CACNA2D4: variants seen among roughly 807,000 people sequenced by gnomAD.
CACNA2D4 encodes calcium voltage-gated channel auxiliary subunit alpha2delta 4, also known as voltage-dependent calcium channel subunit alpha-2/delta-4.
A neutral mutation model predicts 163.8 loss-of-function variants in CACNA2D4; 157 were observed. The observed-to-expected ratio is 0.96, with a 90% CI of 0.84 to 1.09. CACNA2D4 has a LOEUF of 1.09. Among genes scored for constraint, CACNA2D4 ranks in the 50% least tolerant of loss-of-function variants. The pLI, the probability that CACNA2D4 is intolerant of heterozygous loss-of-function variation, is 0.00. For synonymous variants in CACNA2D4, 598 were observed against 586.9 expected (o/e 1.02, Z -0.27); for missense variants, 1,410 against 1,479.9 (o/e 0.95, Z 0.78).
At chr12:1,845,855 C>T (rs181525651) in intron 24 of CACNA2D4, among the ~76,000 whole-genome samples, 7 of 152,326 alleles carry the variant, frequency 4.6e-5, no homozygotes, top group Non-Finnish European at 8.8e-5. Context: ...TGTTTAGCAG[C>T]GTCCTGGCCT....
At position 1,874,393 on chromosome 12, in the gene CACNA2D4, G is replaced by A. The variant is rs1252766532; in HGVS notation, c.1878+211C>T. The stretch of plus-strand genomic sequence containing the variant: ...AGCTCAGCGGTCTCCCAAAAGCCAA[G>A]CATTGCATGAGCAATCCTGTCATTC... On this transcript the variant is annotated intron_variant, in intron 18 of 37. Transcript: ENST00000382722. This position sits in a 1 kb window ranked among gnomAD's most constrained non-coding sequence, Gnocchi z 4.4. Among the ~76,000 whole-genome samples, 2 of 152,206 alleles carry A rather than the reference G, an allele frequency of 1.3e-5. No homozygotes were observed. Among genetic ancestry groups the A allele is most frequent in the Non-Finnish European group, 2.9e-5 (2 of 68,034 alleles).
intron 26 of CACNA2D4, chr12:1,830,883 G>T: frequency 7.0e-7 from 1 of 1,432,434 alleles, no homozygotes. Context: ...AGAAGCAGGA[G>T]GTGGTGACCC....
chr12:1,816,257 G>C (rs999720211), intron 26 of CACNA2D4, among the ~76,000 whole-genome samples: 2 of 152,230 alleles, frequency 1.3e-5, no homozygotes, highest in Non-Finnish European at 2.9e-5. Context: ...TCGGTGAAGA[G>C]AAATTCAGGC....
In CACNA2D4 at chr12:1,792,851, A is replaced by AT. The variant is rs1863013742; in HGVS notation, c.*803dup. On this transcript the variant is annotated 3_prime_UTR_variant, in exon 38 of 38. Coordinates refer to ENST00000382722, the MANE Select transcript of CACNA2D4 (RefSeq NM_172364.5). ...TGCTCTTTTTCACTATTTTACAGCT[A>AT]TTTTTGCCGTCCCCTGAATGTACAT... is the stretch of plus-strand genomic sequence containing the variant. 6.6e-6 allele frequency: 1 copy of AT among 152,092 alleles called. No homozygotes were observed. The highest frequency in any genetic ancestry group is 1.5e-5 in the Non-Finnish European group (1 of 68,014). 9.4% of individuals were successfully genotyped at this position (152,092 alleles called of 1,614,324 possible). A position where few individuals can be genotyped will look rare whatever the true frequency, so the allele number is the denominator to read the frequency against.
intron 6 of CACNA2D4, among the ~76,000 whole-genome samples, chr12:1,893,369 A>AGC (rs1364290533): frequency 1.3e-5 from 2 of 152,140 alleles, no homozygotes. Flanking sequence ...TACAAAAAAA[A>AGC]TTAGCCACAC....
intron 29 of CACNA2D4, among the ~76,000 whole-genome samples, chr12:1,808,999 C>T (rs1326330922): frequency 6.6e-6 from 1 of 152,198 alleles, no homozygotes; most frequent in Non-Finnish European, 1.5e-5. Flanking sequence ...CGCCCACACT[C>T]CCACCAACAG....
At chr12:1,886,975 C>T (rs1273957132) in intron 7 of CACNA2D4, 34 bp downstream of exon 7, 1 of 1,519,036 alleles carries the variant, frequency 6.6e-7, no homozygotes, top group South Asian at 1.2e-5. Flanking sequence ...AGATAAATAC[C>T]CGGGCCGCAA....
chr12:1,809,222 A>C (rs1863633811), intron 29 of CACNA2D4, among the ~76,000 whole-genome samples: 1 of 152,172 alleles, frequency 6.6e-6, no homozygotes, highest in African/African-American at 2.4e-5. Flanking sequence ...CCGAAGCCGC[A>C]TCCCGGTCAG....
intron 26 of CACNA2D4, among the ~76,000 whole-genome samples, chr12:1,815,815 T>C (rs770689564): frequency 2.6e-5 from 4 of 152,240 alleles, no homozygotes; most frequent in Non-Finnish European, 4.4e-5. Context: ...AGCTGTGCTC[T>C]GGGTCCCTTG....
At chr12:1,803,353 C>T (rs1430849785) in intron 29 of CACNA2D4, among the ~76,000 whole-genome samples, 2 of 152,214 alleles carry the variant, frequency 1.3e-5, no homozygotes, top group African/African-American at 2.4e-5. Context: ...GACAATAACC[C>T]CAGAACTGTT....
At chr12:1,796,923 A>C (rs1429644146) in intron 35 of CACNA2D4, among the ~76,000 whole-genome samples, 1 of 152,144 alleles carries the variant, frequency 6.6e-6, no homozygotes, top group Non-Finnish European at 1.5e-5. Context: ...AGCCTGACAG[A>C]GGCTGCCCGC....
intron 26 of CACNA2D4, chr12:1,831,351 G>C: frequency 6.2e-7 from 1 of 1,613,818 alleles, no homozygotes; most frequent in Non-Finnish European, 8.5e-7. Flanking sequence ...TCTTTTCGAC[G>C]GGCTCCTGGC....
At chr12:1,870,956 T>G (rs991953374) in intron 18 of CACNA2D4, among the ~76,000 whole-genome samples, 1 of 152,186 alleles carries the variant, frequency 6.6e-6, no homozygotes, top group Non-Finnish European at 1.5e-5. Context: ...TAGCCCTGTG[T>G]TCCTGAAATC....
chr12:1,793,735 C>G lies in CACNA2D4; in HGVS notation c.3334G>C (p.Ala1112Pro). The change falls in exon 38 of 38, where the codon GCC becomes CCC. Residue 1112 changes from alanine to proline, a missense_variant. Physicochemically the swap from Ala to Pro is conservative, Grantham distance 27 (BLOSUM62 -1). Transcript: ENST00000382722. ...GGCGGCGAGGCTGAGGTGTCCGAGG[C>G]GCCGCCGCAGTCCTGGGCATTCTCC... ...PEENAQDCGG[A>P]SDTSASPPLL... 2 of 1,613,172 alleles carry G rather than the reference C, an allele frequency of 1.2e-6. No homozygotes were observed. The highest frequency in any genetic ancestry group is 4.5e-5 in the East Asian group (2 of 44,876).
intron 31 of CACNA2D4, 63 bp from the exon 32 acceptor site, chr12:1,800,501 ACC>A: frequency 7.3e-7 from 1 of 1,364,632 alleles, no homozygotes. Flanking sequence ...CCCCCCCCCC[ACC>A]ACCAGCACCA....
rs1044560821 is a variant in CACNA2D4 at position 1,874,929 on chromosome 12, A to T, written c.1807-254T>A. Among the ~76,000 whole-genome samples the T allele has an allele frequency of 1.3e-5, 2 of 152,236 alleles. No individual in the cohort carries two copies. The highest frequency in any genetic ancestry group is 4.8e-5 in the African/African-American group (2 of 41,458). On this transcript the variant is annotated intron_variant, in intron 17 of 37. Coordinates refer to ENST00000382722, the MANE Select transcript of CACNA2D4 (RefSeq NM_172364.5). The surrounding 1 kb of genome is among the most constrained non-coding windows in gnomAD (Gnocchi z 4.4). ...GTACAGAGTGCCAAGTTGCTGGGAC[A>T]TAATTTCCTCTAGGACGAGATATTG...
intron 29 of CACNA2D4, among the ~76,000 whole-genome samples, chr12:1,809,915 G>A (rs1170574634): frequency 6.6e-6 from 1 of 152,234 alleles, no homozygotes; most frequent in East Asian, 1.9e-4. Flanking sequence ...TGATAAGTGA[G>A]TGTGCTTGGA....
intron 26 of CACNA2D4, among the ~76,000 whole-genome samples, chr12:1,821,161 G>T (rs995688582): frequency 6.6e-6 from 1 of 152,204 alleles, no homozygotes; most frequent in African/African-American, 2.4e-5. Context: ...TTGTGCTGTC[G>T]TTGTGCCCGG....
In CACNA2D4 at chr12:1,900,084, C is replaced by T. The variant is rs77871934; in HGVS notation, c.781+7356G>A. ...AACTTCATGAGTGATCAGGGAAATG[C>T]AATGCTAGACCACTATGAAATACTA... On this transcript the variant is annotated intron_variant, in intron 6 of 37. Transcript: ENST00000382722. Among the ~76,000 whole-genome samples, 805 of 152,238 alleles carry T rather than the reference C, an allele frequency of 5.3e-3. 2 individuals carry two copies. The highest frequency in any genetic ancestry group is 0.019 in the African/African-American group (778 of 41,554).
Sources: gnomAD v4.1 joint callset for allele counts (sites outside exome capture counted in the v4.1 genomes callset) on GRCh38, gnomAD v4.1.1 for gene constraint, Gnocchi (gnomAD v3.1) non-coding constraint, MANE v1.5 for transcripts, NCBI Gene and HGNC (gene_info 2026-07-23, HGNC 2026-07-21) for gene names.